Variants in SIPA1L1 observed in about 807,000 individuals in gnomAD.
The protein encoded by SIPA1L1 is signal-induced proliferation-associated 1-like protein 1.
Under a neutral mutation model 162.7 loss-of-function variants are expected in SIPA1L1, and 26 were observed. The observed-to-expected ratio is 0.16, with a 90% CI of 0.12 to 0.22. The LOEUF is 0.22. Ranked by LOEUF, SIPA1L1 falls within the 10% of genes least tolerant of loss-of-function variation. The pLI is 1.00. For synonymous variants in SIPA1L1, 829 were observed against 837.4 expected, an observed-to-expected ratio of 0.99 and a Z score of 0.17; for missense variants, 1,874 against 2,241.0, an observed-to-expected ratio of 0.84 and a Z score of 3.31.
chr14:71,558,808 T>C (rs1438205891), intron 4 of SIPA1L1, among the ~76,000 whole-genome samples: 5 of 152,168 alleles, frequency 3.3e-5, no homozygotes, highest in African/African-American at 1.2e-4. Context: ...CTGAGCCTCC[T>C]AAATAGCTGA....
chr14:71,661,585 C>G, intron 10 of SIPA1L1, 118 bp downstream of exon 10: 1 of 1,087,592 alleles, frequency 9.2e-7, no homozygotes, highest in Non-Finnish European at 1.3e-6. Flanking sequence ...TTCTTTTTGT[C>G]TTTAAACCAT....
chr14:71,504,288 T>A (rs975108780), intron 2 of SIPA1L1, among the ~76,000 whole-genome samples: 1 of 152,204 alleles, frequency 6.6e-6, no homozygotes, highest in Non-Finnish European at 1.5e-5. Context: ...AATGTGTATA[T>A]GTAAGATTTA....
rs552622172 is a variant in SIPA1L1 at position 71,596,508 on chromosome 14, A to C, written c.1498+7138A>C. Among the ~76,000 whole-genome samples, 10 of 152,370 alleles carry C rather than the reference A, an allele frequency of 6.6e-5. 1 individual carries two copies. The South Asian group carries it at 2.1e-3, about 32-fold the overall frequency. On this transcript the variant is annotated intron_variant, in intron 5 of 23. Coordinates refer to ENST00000381232, the MANE Select transcript of SIPA1L1 (RefSeq NM_001386936.1). ...TGTATTATCCAATTTACTATTGTTA[A>C]GAGTACCTTCATTTTTTTTAAAGTA...
At chr14:71,555,407 T>C (rs2056266651) in intron 4 of SIPA1L1, among the ~76,000 whole-genome samples, 1 of 152,202 alleles carries the variant, frequency 6.6e-6, no homozygotes, top group South Asian at 2.1e-4. Context: ...CTTCATAGAA[T>C]TGAAGAGAGT....
chr14:71,709,561 T>G lies in SIPA1L1; in HGVS notation c.4105T>G (p.Ser1369Ala). 6.2e-6 allele frequency: 10 copies of G among 1,613,788 alleles called. No individual in the cohort carries two copies. The highest frequency in any genetic ancestry group is 8.5e-6 in the Non-Finnish European group (10 of 1,179,950). ...ESHGLDRKTE[S>A]SLSLDIHSKS... Reference sequence around the variant, plus strand: ...CCACGGCCTGGACCGGAAAACAGAGTCTTCCCTGAGCTTAGACATACACAG... The same window carrying G: ...CCACGGCCTGGACCGGAAAACAGAGGCTTCCCTGAGCTTAGACATACACAG... Residue 1369 changes from serine (S) to alanine (A), a missense_variant, in exon 17 of 24, where the codon TCT (serine) becomes GCT (alanine). By Grantham distance (99) the Ser-to-Ala change is moderately conservative. Coordinates refer to ENST00000381232, the MANE Select transcript of SIPA1L1 (RefSeq NM_001386936.1).
At chr14:71,437,826 C>T (rs1191819636) in intron 2 of SIPA1L1, among the ~76,000 whole-genome samples, 1 of 152,116 alleles carries the variant, frequency 6.6e-6, no homozygotes, top group Non-Finnish European at 1.5e-5. Context: ...ATCATGCATA[C>T]AGTAGGTAAA....
chr14:71,419,480 CTTTTTTTTTTTTTTTTT>C (rs779874892), intron 2 of SIPA1L1, among the ~76,000 whole-genome samples: 249 of 85,246 alleles, frequency 2.9e-3, no homozygotes, highest in Non-Finnish European at 4.0e-3. Context: ...GAGGATCTCT[CTTTTTTTTTTTTTTTTT>C]TTTTTTTTTT....
At chr14:71,730,807 T>G (rs142570311) in intron 20 of SIPA1L1, among the ~76,000 whole-genome samples, 3 of 152,192 alleles carry the variant, frequency 2.0e-5, no homozygotes, top group Admixed American at 1.3e-4. Context: ...AAGGAAAAGG[T>G]TTGTGGATGA....
intron 2 of SIPA1L1, among the ~76,000 whole-genome samples, chr14:71,506,296 G>A (rs1024314521): frequency 6.6e-6 from 1 of 152,060 alleles, no homozygotes; most frequent in African/African-American, 2.4e-5. Flanking sequence ...ATTTACATAA[G>A]ATCCTTTTCT....
chr14:71,344,545 C>CT (rs1411372082), intron 2 of SIPA1L1, among the ~76,000 whole-genome samples: 1 of 151,894 alleles, frequency 6.6e-6, no homozygotes, highest in East Asian at 1.9e-4. Context: ...AAAAATTTCT[C>CT]TATCTGTCTG....
intron 7 of SIPA1L1, among the ~76,000 whole-genome samples, chr14:71,625,215 A>G (rs147247073): frequency 1.4e-3 from 208 of 152,286 alleles, no homozygotes; most frequent in Non-Finnish European, 2.5e-3. Flanking sequence ...AGTCCAAAAA[A>G]TCAGTTTTAA....
intron 2 of SIPA1L1, chr14:71,379,705 T>C (rs745589116): frequency 1.1e-4 from 16 of 152,268 alleles, no homozygotes; most frequent in African/African-American, 3.1e-4. Flanking sequence ...TGCGTGTGTG[T>C]GCGCGCGTGC....
intron 12 of SIPA1L1, among the ~76,000 whole-genome samples, chr14:71,683,435 C>G (rs2045987893): frequency 6.6e-6 from 1 of 152,158 alleles, no homozygotes; most frequent in African/African-American, 2.4e-5. Context: ...TGAAATTTTT[C>G]CATGCATTAT....
At chr14:71,468,415 T>C (rs1398847220) in intron 2 of SIPA1L1, among the ~76,000 whole-genome samples, 1 of 152,106 alleles carries the variant, frequency 6.6e-6, no homozygotes, top group Non-Finnish European at 1.5e-5. Context: ...TCAGGAAGCT[T>C]ACAATCATGG....
intron 4 of SIPA1L1, among the ~76,000 whole-genome samples, chr14:71,539,816 G>T (rs1385336362): frequency 6.6e-6 from 1 of 152,146 alleles, no homozygotes; most frequent in Non-Finnish European, 1.5e-5. Flanking sequence ...AGTTGGGGAG[G>T]GGGGCATTTC....
At chr14:71,631,611 TGTG>T (rs2040577561) in intron 7 of SIPA1L1, among the ~76,000 whole-genome samples, 1 of 152,232 alleles carries the variant, frequency 6.6e-6, no homozygotes, top group Non-Finnish European at 1.5e-5. Context: ...GTAAAATTAT[TGTG>T]TGTGGATTAT....
intron 17 of SIPA1L1, among the ~76,000 whole-genome samples, chr14:71,719,244 T>C (rs565640482): frequency 6.6e-6 from 1 of 152,280 alleles, no homozygotes; most frequent in South Asian, 2.1e-4. Flanking sequence ...CAGCCAATAT[T>C]AAGAATTCCT....
At chr14:71,738,192 C>G (rs780303978) in intron 22 of SIPA1L1, 49 bp from the exon 23 acceptor site, 9 of 963,112 alleles carry the variant, frequency 9.3e-6, no homozygotes, top group Non-Finnish European at 1.4e-5. Flanking sequence ...AAAAACAAAC[C>G]CAGCCATGGA....
chr14:71,435,403 C>T (rs971480648), intron 2 of SIPA1L1, among the ~76,000 whole-genome samples: 5 of 152,050 alleles, frequency 3.3e-5, no homozygotes, highest in African/African-American at 1.2e-4. Flanking sequence ...TCAATTCCCA[C>T]CTATGAGTGA....
Sources: allele counts gnomAD v4.1 joint callset (sites outside exome capture counted in the v4.1 genomes callset), GRCh38; gene constraint gnomAD v4.1.1; transcripts MANE v1.5; gene names NCBI Gene and HGNC (gene_info 2026-07-23, HGNC 2026-07-21).